Variants in CDH8 observed in about 807,000 individuals in gnomAD.
The protein encoded by CDH8 is cadherin 8.
A neutral mutation model predicts 68.1 loss-of-function variants in CDH8; 17 were observed. That is an observed-to-expected ratio of 0.25 (90% CI 0.17 to 0.37). CDH8 has a LOEUF of 0.37. Ranked by LOEUF, CDH8 falls within the 10% of genes least tolerant of loss-of-function variation. The pLI is 1.00. For missense variants in CDH8, 763 were observed against 999.3 expected, an observed-to-expected ratio of 0.76 and a Z score of 3.19; for synonymous variants, 372 against 365.1, an observed-to-expected ratio of 1.02 and a Z score of -0.21.
At chr16:62,006,777 C>G (rs1446774624) in intron 2 of CDH8, among the ~76,000 whole-genome samples, 1 of 152,160 alleles carries the variant, frequency 6.6e-6, no homozygotes, top group South Asian at 2.1e-4. Flanking sequence ...TTAGCCTTTT[C>G]TGTGGCCATT....
At chr16:61,971,009 G>A (rs1420007540) in intron 2 of CDH8, among the ~76,000 whole-genome samples, 1 of 150,864 alleles carries the variant, frequency 6.6e-6, no homozygotes, top group Non-Finnish European at 1.5e-5. Context: ...CCATCCTTAA[G>A]AAGGTACTTT....
At chr16:61,818,627 C>A (rs988783915) in intron 6 of CDH8, among the ~76,000 whole-genome samples, 1 of 152,106 alleles carries the variant, frequency 6.6e-6, no homozygotes, top group Non-Finnish European at 1.5e-5. Flanking sequence ...AAAGAATTCG[C>A]CTTCAATAAG....
intron 10 of CDH8, among the ~76,000 whole-genome samples, chr16:61,665,722 T>C (rs1411346428): frequency 6.6e-6 from 1 of 151,610 alleles, no homozygotes; most frequent in African/African-American, 2.4e-5. Context: ...CACTTTTATC[T>C]GTGTAATTTA....
chr16:61,774,809 C>T (rs953883030), intron 8 of CDH8, among the ~76,000 whole-genome samples: 1 of 152,042 alleles, frequency 6.6e-6, no homozygotes, highest in Non-Finnish European at 1.5e-5. Context: ...CAACCAAATA[C>T]GTATGTGTTA....
At chr16:61,903,956 A>T (rs534975085) in intron 2 of CDH8, among the ~76,000 whole-genome samples, 4,115 of 68,612 alleles carry the variant, frequency 0.06, 164 homozygotes, top group African/African-American at 0.2. Flanking sequence ...GCACTTTTTA[A>T]AAAAAAAAAA....
chr16:61,679,891 A>C (rs1963981069), intron 10 of CDH8, among the ~76,000 whole-genome samples: 1 of 151,978 alleles, frequency 6.6e-6, no homozygotes, highest in Admixed American at 6.6e-5. Flanking sequence ...GCCATGGTTA[A>C]ACAACCGAAA....
intron 10 of CDH8, chr16:61,692,929 A>G (rs942318160): frequency 6.6e-6 from 1 of 152,176 alleles, no homozygotes; most frequent in African/African-American, 2.4e-5. Flanking sequence ...TGGTCAACTG[A>G]GTCATAGAGT....
chr16:61,778,147 C>A (rs752661945), intron 8 of CDH8, among the ~76,000 whole-genome samples: 5 of 152,042 alleles, frequency 3.3e-5, no homozygotes, highest in Non-Finnish European at 5.9e-5. Context: ...CTTATCATCT[C>A]TTCTCTTCCA....
At chr16:62,036,003 G>A (rs2150627524) in intron 1 of CDH8, 77 bp downstream of exon 1, 1 of 152,504 alleles carries the variant, frequency 6.6e-6, no homozygotes, top group South Asian at 2.1e-4. Context: ...AGGGGCATGG[G>A]AATTCCTATA....
At chr16:61,976,639 G>A (rs1232161994) in intron 2 of CDH8, among the ~76,000 whole-genome samples, 1 of 152,084 alleles carries the variant, frequency 6.6e-6, no homozygotes, top group African/African-American at 2.4e-5. Flanking sequence ...AAGCCAACTG[G>A]AAGTATTTTA....
At chr16:62,028,212 C>A (rs6498819) in intron 1 of CDH8, among the ~76,000 whole-genome samples, 1 of 151,570 alleles carries the variant, frequency 6.6e-6, no homozygotes, top group African/African-American at 2.4e-5. Flanking sequence ...TTAGAGGCAC[C>A]CGCCACAATG....
intron 4 of CDH8, among the ~76,000 whole-genome samples, chr16:61,847,340 T>C (rs1268344972): frequency 6.6e-6 from 1 of 151,858 alleles, no homozygotes; most frequent in Non-Finnish European, 1.5e-5. Flanking sequence ...TATGGCCTCA[T>C]GTTTTAGTCC....
intron 2 of CDH8, among the ~76,000 whole-genome samples, chr16:61,993,185 A>G (rs1282858955): frequency 1.3e-5 from 2 of 152,136 alleles, no homozygotes; most frequent in African/African-American, 4.8e-5. Context: ...TTCATAACTC[A>G]CTCAGGTTAA....
rs1216136629 is a variant in CDH8 at position 61,651,289 on chromosome 16, A to G, written c.*2319T>C. ...AAGCACTTGTTTTAGACACTGTGCC[A>G]AGTCCTAGTATATTTTAAAGTCATG... On this transcript the variant is annotated 3_prime_UTR_variant, in exon 12 of 12. Coordinates refer to ENST00000577390, the MANE Select transcript of CDH8 (RefSeq NM_001796.5). 6.6e-6 allele frequency: 1 copy of G among 152,144 alleles called. No homozygotes were observed. Among genetic ancestry groups the G allele is most frequent in the Non-Finnish European group, 1.5e-5 (1 of 68,030 alleles). The allele number at this position is 152,144 out of a possible 1,614,324, so 9.4% of individuals were successfully genotyped here. A position where few individuals can be genotyped will look rare whatever the true frequency, so the allele number is the denominator to read the frequency against.
At chr16:61,798,298 A>G (rs1343372026) in intron 7 of CDH8, among the ~76,000 whole-genome samples, 1 of 152,196 alleles carries the variant, frequency 6.6e-6, no homozygotes, top group Non-Finnish European at 1.5e-5. Context: ...GCCGAGTATC[A>G]TAAAACTATC....
At chr16:61,993,593 A>C (rs189708394) in intron 2 of CDH8, among the ~76,000 whole-genome samples, 2 of 152,340 alleles carry the variant, frequency 1.3e-5, no homozygotes, top group Admixed American at 1.3e-4. Flanking sequence ...AAATATGTTC[A>C]TGTCAAAAGA....
chr16:61,812,313 G>GA (rs989006843), intron 7 of CDH8, among the ~76,000 whole-genome samples: 14 of 150,852 alleles, frequency 9.3e-5, no homozygotes, highest in Middle Eastern at 3.5e-3. Flanking sequence ...ATACCAGTAG[G>GA]AAAAAAAAAT....
At chr16:61,713,814 T>C in intron 10 of CDH8, 27 bp downstream of exon 10, 1 of 1,158,766 alleles carries the variant, frequency 8.6e-7, no homozygotes, top group Non-Finnish European at 1.3e-6. Context: ...TATATTGTAC[T>C]CTGTTTCACA....
chr16:61,991,031 G>A (rs1965711610), intron 2 of CDH8, among the ~76,000 whole-genome samples: 1 of 152,168 alleles, frequency 6.6e-6, no homozygotes, highest in African/African-American at 2.4e-5. Flanking sequence ...GGAGCTGAGA[G>A]TGTCAAGTGC....
Sources: gnomAD v4.1 joint callset for allele counts (sites outside exome capture counted in the v4.1 genomes callset) on GRCh38, gnomAD v4.1.1 for gene constraint, MANE v1.5 for transcripts, NCBI Gene and HGNC (gene_info 2026-07-23, HGNC 2026-07-21) for gene names.